The following PPFIBP1 variants were observed in gnomAD, a reference collection of about 807,000 sequenced individuals.
The protein encoded by PPFIBP1 is PPFIB scaffold protein 1.
A neutral mutation model predicts 137.8 loss-of-function variants in PPFIBP1; 112 were observed. The ratio of observed to expected loss-of-function variants is 0.81; its 90% CI spans 0.70 to 0.95. PPFIBP1 has a LOEUF of 0.95. Ranked by LOEUF, PPFIBP1 falls within the 40% of genes least tolerant of loss-of-function variation. The pLI is 0.00. For synonymous variants in PPFIBP1, 378 were observed against 417.3 expected (o/e 0.91, Z 1.15); for missense variants, 1,083 against 1,196.6 (o/e 0.91, Z 1.40).
chr12:27,562,729 C>G (rs1454513843), intron 1 of PPFIBP1, among the ~76,000 whole-genome samples: 1 of 152,244 alleles, frequency 6.6e-6, no homozygotes, highest in East Asian at 1.9e-4. Context: ...AATTCTGATT[C>G]TCCCATTGCC....
chr12:27,591,824 G>T (rs1312674343), intron 2 of PPFIBP1, among the ~76,000 whole-genome samples: 1 of 152,182 alleles, frequency 6.6e-6, no homozygotes, highest in Non-Finnish European at 1.5e-5. Flanking sequence ...AACCTGTCAG[G>T]TACCTGGGGA....
chr12:27,631,041 A>G (rs2057230763), intron 2 of PPFIBP1, among the ~76,000 whole-genome samples: 1 of 152,174 alleles, frequency 6.6e-6, no homozygotes, highest in African/African-American at 2.4e-5. Context: ...ACCTTGTCTC[A>G]AAAAACAAAC....
chr12:27,625,438 T>TA (rs905328850), intron 2 of PPFIBP1, among the ~76,000 whole-genome samples: 2 of 152,138 alleles, frequency 1.3e-5, no homozygotes, highest in African/African-American at 4.8e-5. Flanking sequence ...AACTTGTCTC[T>TA]AAAAAATAAG....
chr12:27,674,136 A>G lies in PPFIBP1; in HGVS notation c.1381-56A>G, dbSNP rs1593295647. 2.2e-6 allele frequency: 3 copies of G among 1,374,436 alleles called. No individual in the cohort carries two copies. The East Asian group carries it at 7.0e-5, about 32-fold the overall frequency. The allele number at this position is 1,374,436 out of a possible 1,614,324, so 85.1% of individuals were successfully genotyped here. ...TTATGGAGTTGTATGTGACAAATTC[A>G]GAATTATACAAAGGATTTCCCTAAC... On this transcript the variant is annotated intron_variant, in intron 16 of 29. Coordinates refer to ENST00000228425, the MANE Select transcript of PPFIBP1 (RefSeq NM_003622.4).
At chr12:27,623,468 G>A (rs2056525103) in intron 2 of PPFIBP1, among the ~76,000 whole-genome samples, 1 of 152,128 alleles carries the variant, frequency 6.6e-6, no homozygotes, top group African/African-American at 2.4e-5. Context: ...GGGAAGCCAA[G>A]GGGGAAAGGA....
At chr12:27,580,098 C>G (rs2050946759) in intron 2 of PPFIBP1, among the ~76,000 whole-genome samples, 1 of 151,944 alleles carries the variant, frequency 6.6e-6, no homozygotes, top group Non-Finnish European at 1.5e-5. Context: ...AGTAAGAGCC[C>G]CAGGGAAGAC....
At chr12:27,652,133 TAAA>T (rs1295411346) in intron 7 of PPFIBP1, among the ~76,000 whole-genome samples, 1 of 152,206 alleles carries the variant, frequency 6.6e-6, no homozygotes. Flanking sequence ...GTCCCCTTAA[TAAA>T]AATATTTTTC....
intron 1 of PPFIBP1, among the ~76,000 whole-genome samples, chr12:27,549,903 G>A (rs1295786371): frequency 6.6e-6 from 1 of 152,178 alleles, no homozygotes; most frequent in South Asian, 2.1e-4. Context: ...TGAAGCGTGG[G>A]AGAGCTTCGC....
intron 1 of PPFIBP1, among the ~76,000 whole-genome samples, chr12:27,563,426 C>T (rs2049348641): frequency 1.3e-5 from 2 of 148,402 alleles, no homozygotes; most frequent in African/African-American, 2.5e-5. Context: ...CACTGCACTC[C>T]AGTCTGGGCA....
chr12:27,601,516 A>G (rs753587369), intron 2 of PPFIBP1, among the ~76,000 whole-genome samples: 22 of 152,058 alleles, frequency 1.4e-4, no homozygotes, highest in Non-Finnish European at 3.1e-4. Context: ...AAGGCTACAC[A>G]CTCTGCTTGA....
chr12:27,673,706 T>C (rs2060338038), intron 15 of PPFIBP1, 61 bp from the exon 16 acceptor site: 1 of 1,408,626 alleles, frequency 7.1e-7, no homozygotes, highest in Non-Finnish European at 9.9e-7. Context: ...CCAAGATGTT[T>C]TACTTAGAAA....
At chr12:27,608,489 A>G (rs1409053672) in intron 2 of PPFIBP1, among the ~76,000 whole-genome samples, 3 of 152,210 alleles carry the variant, frequency 2.0e-5, no homozygotes, top group Non-Finnish European at 4.4e-5. Context: ...AAAACCTGCC[A>G]TAATTCAATA....
chr12:27,539,314 G>T (rs1422190929), intron 1 of PPFIBP1, among the ~76,000 whole-genome samples: 1 of 152,196 alleles, frequency 6.6e-6, no homozygotes, highest in African/African-American at 2.4e-5. Context: ...ACTGGAGATT[G>T]TTTATGTTAC....
At chr12:27,610,630 T>C (rs2055000438) in intron 2 of PPFIBP1, among the ~76,000 whole-genome samples, 1 of 152,188 alleles carries the variant, frequency 6.6e-6, no homozygotes, top group Non-Finnish European at 1.5e-5. Context: ...AATCATCCTA[T>C]ACAAATTAAA....
At chr12:27,617,911 A>G (rs1434835151) in intron 2 of PPFIBP1, among the ~76,000 whole-genome samples, 2 of 152,218 alleles carry the variant, frequency 1.3e-5, no homozygotes, top group Non-Finnish European at 2.9e-5. Flanking sequence ...TGCCCACGTC[A>G]TTCAACATGT....
chr12:27,594,453 C>T (rs1251889471), intron 2 of PPFIBP1, among the ~76,000 whole-genome samples: 3 of 152,158 alleles, frequency 2.0e-5, no homozygotes, highest in African/African-American at 7.2e-5. Flanking sequence ...GCTGGGATTA[C>T]AGGAATGAGC....
intron 2 of PPFIBP1, among the ~76,000 whole-genome samples, chr12:27,587,016 C>G (rs1165979071): frequency 6.6e-6 from 1 of 152,166 alleles, no homozygotes; most frequent in Non-Finnish European, 1.5e-5. Context: ...AAAAATTATT[C>G]TTTTTAATCT....
rs537730056 is a variant in PPFIBP1, at chr12:27,600,291, C to G, written c.-36+22052C>G. On this transcript the variant is annotated intron_variant, in intron 2 of 29. Transcript: ENST00000228425. ...TCTCTACTAAAATACAAGAAATTAG[C>G]CGGGTATGGTGGTACACGCCTGTAG... is the stretch of plus-strand genomic sequence containing the variant. Among the ~76,000 whole-genome samples the G allele has an allele frequency of 7.9e-4, 120 of 152,132 alleles. 1 individual carries two copies. The highest frequency in any genetic ancestry group is 2.8e-3 in the African/African-American group (117 of 41,494).
chr12:27,692,978 T>C lies in PPFIBP1; in HGVS notation c.*96T>C. ...TATACAACAGGCAGCGGATTGTCTA[T>C]TGTTTGTTGTTCCAACTTCTGCTGT... On this transcript the variant is annotated 3_prime_UTR_variant, in exon 30 of 30. Coordinates refer to ENST00000228425, the MANE Select transcript of PPFIBP1 (RefSeq NM_003622.4). 1 of 1,510,396 alleles carries C rather than the reference T, an allele frequency of 6.6e-7. No individual in the cohort carries two copies. 93.6% of individuals were successfully genotyped at this position (1,510,396 alleles called of 1,614,324 possible). A position where few individuals can be genotyped will look rare whatever the true frequency, so the allele number is the denominator to read the frequency against.
Sources: gnomAD v4.1 joint callset for allele counts (sites outside exome capture counted in the v4.1 genomes callset) on GRCh38, gnomAD v4.1.1 for gene constraint, MANE v1.5 for transcripts, NCBI Gene and HGNC (gene_info 2026-07-23, HGNC 2026-07-21) for gene names.